The following WDR48 variants were observed in gnomAD, a reference collection of about 807,000 sequenced individuals.
WDR48 encodes WD repeat domain 48.
In WDR48, 22 loss-of-function variants were observed where a neutral mutation model predicts 94.0. The observed-to-expected ratio is 0.23, with a 90% CI of 0.17 to 0.33. WDR48 has a LOEUF of 0.33. WDR48 is among the 10% of genes least tolerant of loss of function. The pLI is 1.00. For synonymous variants in WDR48, 278 were observed against 280.5 expected, an observed-to-expected ratio of 0.99 and a Z score of 0.09; for missense variants, 541 against 813.8, an observed-to-expected ratio of 0.66 and a Z score of 4.08.
intron 7 of WDR48, among the ~76,000 whole-genome samples, chr3:39,070,381 T>C (rs2033858588): frequency 6.6e-6 from 1 of 152,180 alleles, no homozygotes; most frequent in Admixed American, 6.5e-5. Flanking sequence ...CCATTTTTTT[T>C]CCAGAATGCA....
intron 3 of WDR48, 85 bp downstream of exon 3, chr3:39,065,974 A>G (rs2033580421): frequency 1.1e-6 from 1 of 948,362 alleles, no homozygotes; most frequent in South Asian, 1.9e-5. Flanking sequence ...ATACATACAG[A>G]AAAGTACACA....
intron 1 of WDR48, 29 bp from the exon 2 acceptor site, chr3:39,063,021 T>C: frequency 6.2e-7 from 1 of 1,612,764 alleles, no homozygotes; most frequent in East Asian, 2.2e-5. Flanking sequence ...TTGTACTTTA[T>C]AAAAAGCATA....
In WDR48 at chr3:39,062,346, G is replaced by A. The variant is rs563582968; in HGVS notation, c.49-704G>A. Among the ~76,000 whole-genome samples the A allele has an allele frequency of 8.5e-5, 13 of 152,250 alleles. 1 individual carries two copies. In the South Asian group the frequency reaches 2.7e-3, roughly 32 times the overall value. Reference sequence around the variant, plus strand: ...CAGCCAGCTTATTGACTTTTTCTTAGGTGTAATTGTTTTCAGTTGATCCCC... The same window carrying A: ...CAGCCAGCTTATTGACTTTTTCTTAAGTGTAATTGTTTTCAGTTGATCCCC... On this transcript the variant is annotated intron_variant, in intron 1 of 18. Transcript: ENST00000302313.
At chr3:39,061,920 T>A (rs1010891271) in intron 1 of WDR48, among the ~76,000 whole-genome samples, 1 of 152,150 alleles carries the variant, frequency 6.6e-6, no homozygotes, top group Non-Finnish European at 1.5e-5. Context: ...GTTCATATCC[T>A]TTGCCCACTT....
intron 15 of WDR48, 103 bp from the exon 16 acceptor site, chr3:39,089,128 T>C (rs2034958717): frequency 1.0e-6 from 1 of 988,964 alleles, no homozygotes; most frequent in Non-Finnish European, 1.5e-6. Context: ...GTGGGGGTTA[T>C]CCTACATGAA....
chr3:39,073,067 C>T (rs926317880), intron 7 of WDR48, among the ~76,000 whole-genome samples: 2 of 152,140 alleles, frequency 1.3e-5, no homozygotes, highest in African/African-American at 4.8e-5. Flanking sequence ...TCTTACTTTC[C>T]TTGTCCTCTT....
chr3:39,087,501 C>G (rs1388593247), intron 14 of WDR48, among the ~76,000 whole-genome samples: 1 of 152,134 alleles, frequency 6.6e-6, no homozygotes, highest in Non-Finnish European at 1.5e-5. Context: ...GCCTATAGTT[C>G]CAGCTACTCA....
intron 2 of WDR48, among the ~76,000 whole-genome samples, chr3:39,064,250 ACC>A (rs932282292): frequency 6.6e-6 from 1 of 150,942 alleles, no homozygotes; most frequent in African/African-American, 2.4e-5. Context: ...CCCTCAAGGT[ACC>A]TATTAGGATC....
Position 39,093,979 on chromosome 3 carries a change from T to C in WDR48, c.1851T>C (p.Ser617=). The part of the protein sequence containing the change: ...LDNESQTTSS[S]NNEKPGEQEK... ...ATGAGTCTCAAACCACTAGCTCTTC[T>C]AATAATGAAAAACCAGGAGAACAGG... The change falls in exon 18 of 19, where the codon TCT becomes TCC. Residue 617 remains serine (S), a synonymous_variant. Coordinates refer to ENST00000302313, the MANE Select transcript of WDR48 (RefSeq NM_020839.4). 1 of 1,614,138 alleles carries C rather than the reference T, an allele frequency of 6.2e-7. No individual in the cohort carries two copies. The highest frequency in any genetic ancestry group is 1.1e-5 in the South Asian group (1 of 91,062).
chr3:39,080,212 CT>C (rs544584565), intron 11 of WDR48, among the ~76,000 whole-genome samples: 1 of 152,146 alleles, frequency 6.6e-6, no homozygotes, highest in Non-Finnish European at 1.5e-5. Flanking sequence ...CTCCCTCCCC[CT>C]AGGTGTGGCA....
intron 14 of WDR48, among the ~76,000 whole-genome samples, chr3:39,087,617 T>C (rs1329850151): frequency 6.6e-6 from 1 of 152,050 alleles, no homozygotes; most frequent in African/African-American, 2.4e-5. Context: ...AGACCCCGTC[T>C]CAAAGAAAAA....
intron 1 of WDR48, among the ~76,000 whole-genome samples, chr3:39,061,315 G>C (rs2033250541): frequency 8.0e-6 from 1 of 124,462 alleles, no homozygotes; most frequent in Admixed American, 1.1e-4. Context: ...TGTTCTCATT[G>C]TTCAGCTCCC....
chr3:39,074,710 C>T lies in WDR48; in HGVS notation c.673-16C>T. ...ACTTTGTGGCAAGTTCTAACTTTGC[C>T]TTTCTTTGTTTGCAGTGCCTGTCAG... On this transcript the variant is annotated splice_polypyrimidine_tract_variant and intron_variant, in intron 7 of 18. Coordinates refer to ENST00000302313, the MANE Select transcript of WDR48 (RefSeq NM_020839.4). 1 of 1,613,090 alleles carries T rather than the reference C, an allele frequency of 6.2e-7. No individual in the cohort carries two copies. The highest frequency in any genetic ancestry group is 8.5e-7 in the Non-Finnish European group (1 of 1,179,224).
chr3:39,091,113 G>A (rs564208406), intron 16 of WDR48: 4 of 152,394 alleles, frequency 2.6e-5, no homozygotes, highest in African/African-American at 9.6e-5. Flanking sequence ...GTTCTTGGCT[G>A]AAGTTTCCAC....
intron 16 of WDR48, 23 bp from the exon 17 acceptor site, chr3:39,091,602 C>T (rs750018410): frequency 2.5e-6 from 4 of 1,568,964 alleles, no homozygotes; most frequent in Non-Finnish European, 3.5e-6. Flanking sequence ...ACTGTTATAC[C>T]TTTTTAACTT....
At position 39,087,586 on chromosome 3, in the gene WDR48, TCCAG is replaced by T. The variant is rs2034875913; in HGVS notation, c.1475-539_1475-536del. Reference sequence around the variant, plus strand: ...ATGATCTGTGATCACACCACTGCACTCCAGCCTGGGCAACAGAATGAGACCCCGT... The same window carrying T: ...ATGATCTGTGATCACACCACTGCACTCCTGGGCAACAGAATGAGACCCCGT... On this transcript the variant is annotated intron_variant, in intron 14 of 18. Coordinates refer to ENST00000302313, the MANE Select transcript of WDR48 (RefSeq NM_020839.4). Among the ~76,000 whole-genome samples the T allele has an allele frequency of 2.0e-5, 3 of 152,102 alleles. No homozygotes were observed. In the South Asian group the frequency reaches 6.2e-4, roughly 31 times the overall value.
At chr3:39,061,028 T>A (rs981110964) in intron 1 of WDR48, among the ~76,000 whole-genome samples, 1 of 152,130 alleles carries the variant, frequency 6.6e-6, no homozygotes, top group African/African-American at 2.4e-5. Context: ...CATAGAAAAA[T>A]TCGTTTTTGG....
At chr3:39,088,382 A>C in intron 15 of WDR48, 149 bp downstream of exon 15, 2 of 727,114 alleles carry the variant, frequency 2.8e-6, no homozygotes, top group Non-Finnish European at 4.5e-6. Context: ...TGTCCATGAG[A>C]TAGTGAAATG....
In WDR48 at chr3:39,079,789, C is replaced by T; in HGVS notation, c.1154C>T (p.Ala385Val). The T allele has an allele frequency of 6.4e-7, 1 of 1,552,568 alleles. No individual in the cohort carries two copies. The highest frequency in any genetic ancestry group is 8.6e-7 in the Non-Finnish European group (1 of 1,156,234). The change falls in exon 11 of 19, where the codon GCA becomes GTA. Residue 385 changes from alanine to valine, a missense_variant. By Grantham distance (64) the Ala-to-Val change is moderately conservative. Transcript: ENST00000302313. ...ILTKDTNNNV[A>V]YWDVLKACKV... ...ACCAAAGATACCAATAATAATGTGG[C>T]ATATTGGGATGTATTGAAGGTGAGT...
Sources: allele counts gnomAD v4.1 joint callset (sites outside exome capture counted in the v4.1 genomes callset), GRCh38; gene constraint gnomAD v4.1.1; transcripts MANE v1.5; gene names NCBI Gene and HGNC (gene_info 2026-07-23, HGNC 2026-07-21).